The following MACROD1 variants were observed in gnomAD, a reference collection of about 807,000 sequenced individuals.
MACROD1 encodes ADP-ribose glycohydrolase MACROD1.
In MACROD1, 31 loss-of-function variants were observed where a neutral mutation model predicts 41.4. That is an observed-to-expected ratio of 0.75 (90% CI 0.56 to 1.01). MACROD1 has a LOEUF of 1.01. Among genes scored for constraint, MACROD1 ranks in the 50% least tolerant of loss-of-function variants. The pLI, the probability that MACROD1 is intolerant of heterozygous loss-of-function variation, is 0.00. For synonymous variants in MACROD1, 252 were observed against 203.4 expected (o/e 1.24, Z -2.03); for missense variants, 473 against 460.0 (o/e 1.03, Z -0.26).
At chr11:64,086,616 C>A (rs1021007724) in intron 3 of MACROD1, among the ~76,000 whole-genome samples, 1 of 152,170 alleles carries the variant, frequency 6.6e-6, no homozygotes, top group Non-Finnish European at 1.5e-5. Flanking sequence ...GTGCTTTTTC[C>A]GGCCCCTGCA....
chr11:64,034,347 G>C (rs1272434398), intron 3 of MACROD1, among the ~76,000 whole-genome samples: 1 of 152,228 alleles, frequency 6.6e-6, no homozygotes, highest in African/African-American at 2.4e-5. Flanking sequence ...GTGGCATTGT[G>C]GGTGATTTTT....
rs377482495 is a variant in MACROD1 at position 64,049,728 on chromosome 11, C to T, written c.518-34447G>A. Among the ~76,000 whole-genome samples the T allele has an allele frequency of 6.9e-4, 105 of 152,328 alleles. 1 individual carries two copies. The highest frequency in any genetic ancestry group is 6.8e-3 in the Middle Eastern group (2 of 294). On this transcript the variant is annotated intron_variant, in intron 3 of 10. Coordinates refer to ENST00000255681, the MANE Select transcript of MACROD1 (RefSeq NM_014067.4). ...GCACACCCCAGAGCCCAGTGTCTTG[C>T]CTTCTCATCCTGAGGGGGATCGGTT...
At chr11:64,151,414 G>T in intron 2 of MACROD1, 59 bp from the exon 3 acceptor site, 3 of 1,344,622 alleles carry the variant, frequency 2.2e-6, no homozygotes, top group Non-Finnish European at 3.2e-6. Context: ...GAGGGACCCA[G>T]CCAGGGCCCA....
intron 3 of MACROD1, among the ~76,000 whole-genome samples, chr11:64,086,693 G>C (rs796354052): frequency 1.8e-4 from 27 of 152,310 alleles, no homozygotes; most frequent in African/African-American, 6.3e-4. Context: ...AGGGAAGACA[G>C]AGAGGGGGAG....
intron 3 of MACROD1, among the ~76,000 whole-genome samples, chr11:64,053,129 C>T (rs1163549131): frequency 6.6e-6 from 1 of 152,172 alleles, no homozygotes; most frequent in African/African-American, 2.4e-5. Context: ...CAAGAAGGTG[C>T]AGTCACCAGG....
chr11:64,153,619 T>G (rs1238798373), intron 1 of MACROD1, among the ~76,000 whole-genome samples: 1 of 152,118 alleles, frequency 6.6e-6, no homozygotes, highest in African/African-American at 2.4e-5. Flanking sequence ...CCAAGGATGC[T>G]GAGAGCATTA....
Position 64,067,712 on chromosome 11 carries a change from C to T in MACROD1, c.518-52431G>A, listed in dbSNP as rs762198180. Among the ~76,000 whole-genome samples the T allele has an allele frequency of 2.6e-5, 4 of 152,194 alleles. No individual in the cohort carries two copies. The highest frequency in any genetic ancestry group is 4.8e-5 in the African/African-American group (2 of 41,446). ...GCCCTGCCTGCAGTGATTGCGGACA[C>T]GCCCCTCGCGAGGCACCGCAGGCTG... On this transcript the variant is annotated intron_variant, in intron 3 of 10. Transcript: ENST00000255681. The surrounding 1 kb of genome is among the most constrained non-coding windows in gnomAD (Gnocchi z 4.6).
rs1025662088 is a variant in MACROD1 at position 64,045,169 on chromosome 11, C to T, written c.518-29888G>A. On this transcript the variant is annotated intron_variant, in intron 3 of 10. Transcript: ENST00000255681. Reference sequence around the variant, plus strand: ...CTGCAGCCCAGATGCTGGCCTGTGACGTCAGCAGGTGGCCCAGCTGGGCCT... The same window carrying T: ...CTGCAGCCCAGATGCTGGCCTGTGATGTCAGCAGGTGGCCCAGCTGGGCCT... Among the ~76,000 whole-genome samples the T allele has an allele frequency of 2.6e-4, 39 of 151,336 alleles. 1 individual carries two copies. In the South Asian group the frequency reaches 4.2e-3, roughly 16 times the overall value.
chr11:64,001,925 T>C, intron 4 of MACROD1: 1 of 610,456 alleles, frequency 1.6e-6, no homozygotes, highest in Non-Finnish European at 3.0e-6. Context: ...TTAACCTCTC[T>C]GGGTCTCAGT....
At chr11:64,105,927 A>T (rs1944754962) in intron 3 of MACROD1, among the ~76,000 whole-genome samples, 3 of 120,330 alleles carry the variant, frequency 2.5e-5, no homozygotes, top group Admixed American at 1.2e-4. Flanking sequence ...TTATCTCATG[A>T]TTCCAGGGTC....
At chr11:64,053,020 G>A (rs1590843254) in intron 3 of MACROD1, among the ~76,000 whole-genome samples, 2 of 152,328 alleles carry the variant, frequency 1.3e-5, no homozygotes, top group East Asian at 3.9e-4. Context: ...CTTACACCCC[G>A]GGCTCTCAAC....
intron 3 of MACROD1, among the ~76,000 whole-genome samples, chr11:64,133,159 T>A (rs1380138267): frequency 6.6e-6 from 1 of 152,202 alleles, no homozygotes; most frequent in Non-Finnish European, 1.5e-5. Flanking sequence ...CCTGCACAGA[T>A]GCACGGAGCC....
At chr11:64,153,711 C>T (rs1377252753) in intron 1 of MACROD1, among the ~76,000 whole-genome samples, 1 of 152,098 alleles carries the variant, frequency 6.6e-6, no homozygotes, top group Non-Finnish European at 1.5e-5. Context: ...GCTAGGCCCA[C>T]CCCTGGTCAG....
intron 3 of MACROD1, 26 bp from the exon 4 acceptor site, chr11:64,015,307 A>G: frequency 1.2e-6 from 2 of 1,600,138 alleles, no homozygotes; most frequent in South Asian, 1.1e-5. Context: ...ACAAAGGCAG[A>G]TCAGTGGGGA....
intron 3 of MACROD1, among the ~76,000 whole-genome samples, chr11:64,020,228 TA>T (rs1943135334): frequency 2.0e-5 from 3 of 152,178 alleles, no homozygotes; most frequent in Non-Finnish European, 2.9e-5. Flanking sequence ...CCAGGCTGGG[TA>T]AGCTTGGTGC....
chr11:64,021,912 T>G (rs1164612665), intron 3 of MACROD1, among the ~76,000 whole-genome samples: 8 of 104,898 alleles, frequency 7.6e-5, no homozygotes, highest in Non-Finnish European at 1.5e-4. Context: ...GAGAAGGAAA[T>G]GCAAGGGAGT....
chr11:64,055,296 G>C (rs1043777972), intron 3 of MACROD1, among the ~76,000 whole-genome samples: 2 of 152,222 alleles, frequency 1.3e-5, no homozygotes, highest in African/African-American at 4.8e-5. Context: ...CGGGAGACAG[G>C]AACAAATGCC....
intron 3 of MACROD1, among the ~76,000 whole-genome samples, chr11:64,066,053 T>C (rs1374378564): frequency 6.6e-6 from 1 of 151,870 alleles, no homozygotes; most frequent in Non-Finnish European, 1.5e-5. Context: ...CCCAACACTT[T>C]GTGGGGGCTG....
chr11:64,089,997 T>C (rs1944461979), intron 3 of MACROD1, among the ~76,000 whole-genome samples: 1 of 152,166 alleles, frequency 6.6e-6, no homozygotes, highest in Non-Finnish European at 1.5e-5. Context: ...TCAGCACTTA[T>C]GACAAGGCCC....
Sources: allele counts gnomAD v4.1 joint callset (sites outside exome capture counted in the v4.1 genomes callset), GRCh38; gene constraint gnomAD v4.1.1; non-coding constraint Gnocchi (gnomAD v3.1); transcripts MANE v1.5; gene names NCBI Gene and HGNC (gene_info 2026-07-23, HGNC 2026-07-21).